Variants in SMIM17 observed in about 807,000 individuals in gnomAD.
SMIM17 encodes small integral membrane protein 17.
A neutral mutation model predicts 12.2 loss-of-function variants in SMIM17; 10 were observed. The ratio of observed to expected loss-of-function variants is 0.82; its 90% CI spans 0.50 to 1.39. The LOEUF (loss-of-function observed/expected upper bound fraction) is 1.39. Among genes scored for constraint, SMIM17 ranks in the 40% most tolerant of loss-of-function variants. The pLI is 0.00. For synonymous variants in SMIM17, 50 were observed against 44.1 expected (o/e 1.13, Z -0.53); for missense variants, 136 against 118.2 (o/e 1.15, Z -0.70).
Position 56,656,064 on chromosome 19 carries a change from C to G in SMIM17, c.*851C>G, listed in dbSNP as rs180920733. Among the ~76,000 whole-genome samples the G allele has an allele frequency of 6.6e-6, 1 of 151,470 alleles. No homozygotes were observed. Among genetic ancestry groups the G allele is most frequent in the African/African-American group, 2.4e-5 (1 of 41,202 alleles). On this transcript the variant is annotated 3_prime_UTR_variant, in exon 4 of 4. Coordinates refer to ENST00000598409, the MANE Select transcript of SMIM17 (RefSeq NM_001193628.2). Reference sequence around the variant, plus strand: ...GGTTCATGCCATTCTCCTGCCTCAGCCTCCCAAGTAGCTGGGACTACAGGC... The same window carrying G: ...GGTTCATGCCATTCTCCTGCCTCAGGCTCCCAAGTAGCTGGGACTACAGGC...
chr19:56,651,577 G>A (rs2045109590), intron 3 of SMIM17, among the ~76,000 whole-genome samples: 1 of 152,130 alleles, frequency 6.6e-6, no homozygotes, highest in Admixed American at 6.5e-5. Flanking sequence ...ATTTTAAAAA[G>A]ATCAATGCCC....
intron 3 of SMIM17, among the ~76,000 whole-genome samples, chr19:56,648,131 TATCCATCC>T (rs35121437): frequency 0.092 from 11,879 of 129,092 alleles, 747 homozygotes; most frequent in African/African-American, 0.18. Context: ...TTTATCCACT[TATCCATCC>T]ATCCATCCAT....
chr19:56,653,002 A>AT (rs1334866158), intron 3 of SMIM17, among the ~76,000 whole-genome samples: 11 of 152,244 alleles, frequency 7.2e-5, no homozygotes, highest in African/African-American at 2.4e-4. Flanking sequence ...GATTACCTGT[A>AT]TTTATTACAT....
chr19:56,645,777 G>A lies in SMIM17; in HGVS notation c.110G>A (p.Cys37Tyr). ...RAWEKPPHPA[C>Y]TKDWEAVEVG... ...TGGGAGAAGCCTCCTCATCCCGCCT[G>A]CACCAAAGACTGGGAGGCTGTGGAG... The change falls in exon 2 of 4, where the codon TGC (cysteine) becomes TAC (tyrosine). Residue 37 changes from cysteine to tyrosine, a missense_variant. Physicochemically the swap from Cys to Tyr is radical, Grantham distance 194. Coordinates refer to ENST00000598409, the MANE Select transcript of SMIM17 (RefSeq NM_001193628.2). 20 of 1,535,990 alleles carry A rather than the reference G, an allele frequency of 1.3e-5. No individual in the cohort carries two copies. The highest frequency in any genetic ancestry group is 1.7e-5 in the Non-Finnish European group (20 of 1,146,866).
intron 3 of SMIM17, among the ~76,000 whole-genome samples, chr19:56,650,972 G>A (rs943929096): frequency 1.3e-5 from 2 of 152,182 alleles, no homozygotes; most frequent in East Asian, 1.9e-4. Context: ...CACACCAGGG[G>A]GCTGATAGGG....
In SMIM17 at chr19:56,655,954, G is replaced by T. The variant is rs199927826; in HGVS notation, c.*741G>T. Among the ~76,000 whole-genome samples, 610 of 133,076 alleles carry T rather than the reference G, an allele frequency of 4.6e-3. 2 individuals are homozygous for T. The highest frequency in any genetic ancestry group is 0.011 in the African/African-American group (389 of 35,816). The allele number at this position is 133,076 out of a possible 152,430, so 87.3% of individuals were successfully genotyped here. ...ATTTTGGCGAATTACAGAGGTTTTT[G>T]TTTTTTTTTTTTTTTGAGACCGAGT... On this transcript the variant is annotated 3_prime_UTR_variant, in exon 4 of 4. Transcript: ENST00000598409.
At chr19:56,647,346 G>C (rs938140789) in intron 2 of SMIM17, among the ~76,000 whole-genome samples, 2 of 151,492 alleles carry the variant, frequency 1.3e-5, no homozygotes, top group African/African-American at 4.9e-5. Flanking sequence ...TCATCACATA[G>C]GCATATGTGT....
chr19:56,645,680 A>G lies in SMIM17; in HGVS notation c.13A>G (p.Arg5Gly), dbSNP rs1475878515. 1.4e-5 allele frequency: 22 copies of G among 1,526,146 alleles called. No individual in the cohort carries two copies. The highest frequency in any genetic ancestry group is 1.7e-5 in the Non-Finnish European group (20 of 1,143,156). The allele number at this position is 1,526,146 out of a possible 1,614,324, so 94.5% of individuals were successfully genotyped here. A position where few individuals can be genotyped will look rare whatever the true frequency, so the allele number is the denominator to read the frequency against. ...TCCTCCTGGGGCAATGCAGAGTCTC[A>G]GGCCTGAGCAGACACGGGGGCTGCT... MQSL[R>G]PEQTRGLLEP... is the part of the protein sequence containing the mutation. Residue 5 changes from arginine to glycine, a missense_variant, in exon 2 of 4, where the codon AGG becomes GGG. Transcript: ENST00000598409.
chr19:56,648,051 TTCCATCCATCCATCCA>T (rs72265006), intron 3 of SMIM17, among the ~76,000 whole-genome samples: 2,508 of 134,122 alleles, frequency 0.019, 39 homozygotes, highest in Admixed American at 0.062. Context: ...TGTATACCCA[TTCCATCCATCCATCCA>T]TCCATCCATC....
rs2045157871 is a variant in SMIM17 at position 56,657,150 on chromosome 19, C to G, written c.*1937C>G. 6.6e-6 allele frequency among the ~76,000 whole-genome samples: 1 copy of G among 152,168 alleles called. No homozygotes were observed. Among genetic ancestry groups the G allele is most frequent in the African/African-American group, 2.4e-5 (1 of 41,432 alleles). On this transcript the variant is annotated 3_prime_UTR_variant, in exon 4 of 4. Coordinates refer to ENST00000598409, the MANE Select transcript of SMIM17 (RefSeq NM_001193628.2). ...TGTAATTCGAGGCATATAAGTGCAG[C>G]ATTGTTATGTCCTTGTTAATTAAAT...
At chr19:56,648,136 AT>A (rs2045080391) in intron 3 of SMIM17, among the ~76,000 whole-genome samples, 1 of 6,872 alleles carries the variant, frequency 1.5e-4, no homozygotes, top group African/African-American at 1.9e-3. Context: ...CCACTTATCC[AT>A]CCATCCATCC....
chr19:56,649,913 C>T (rs1304563050), intron 3 of SMIM17, among the ~76,000 whole-genome samples: 1 of 152,056 alleles, frequency 6.6e-6, no homozygotes, highest in African/African-American at 2.4e-5. Context: ...AGCAGGACTC[C>T]TCTCACTGCT....
chr19:56,646,395 C>T lies in SMIM17; in HGVS notation c.169+559C>T, dbSNP rs550582217. 2.2e-4 allele frequency among the ~76,000 whole-genome samples: 33 copies of T among 152,280 alleles called. No homozygotes were observed. In the South Asian group the frequency reaches 6.0e-3, roughly 28 times the overall value. On this transcript the variant is annotated intron_variant, in intron 2 of 3. Transcript: ENST00000598409. ...TTCAACTGGGCGTGGTCTTATACCC[C>T]ACTTCTCCTCCCCGGACGATTTTTG...
rs577062963 is a variant in SMIM17, at chr19:56,655,954, GTTTT to G, written c.*753_*756del. Among the ~76,000 whole-genome samples the G allele has an allele frequency of 7.5e-6, 1 of 133,144 alleles. No individual in the cohort carries two copies. Among genetic ancestry groups the G allele is most frequent in the South Asian group, 2.4e-4 (1 of 4,182 alleles). The allele number at this position is 133,144 out of a possible 152,430, so 87.3% of individuals were successfully genotyped here. ...ATTTTGGCGAATTACAGAGGTTTTT[GTTTT>G]TTTTTTTTTTTGAGACCGAGTCTCA... On this transcript the variant is annotated 3_prime_UTR_variant, in exon 4 of 4. Transcript: ENST00000598409.
chr19:56,654,806 T>C (rs73617309), intron 3 of SMIM17, among the ~76,000 whole-genome samples: 4,339 of 152,278 alleles, frequency 0.028, 186 homozygotes, highest in African/African-American at 0.099. Flanking sequence ...AGCACACACA[T>C]ATCTCTTGAG....
At chr19:56,645,161 G>A (rs1600615199) in intron 1 of SMIM17, among the ~76,000 whole-genome samples, 2 of 152,084 alleles carry the variant, frequency 1.3e-5, no homozygotes, top group African/African-American at 4.8e-5. Context: ...CTGTGAGTGT[G>A]TATGAGTGTG....
At chr19:56,655,081 CT>C in intron 3 of SMIM17, 21 bp from the exon 4 acceptor site, 1 of 666,796 alleles carries the variant, frequency 1.5e-6, no homozygotes, top group South Asian at 1.6e-5. Flanking sequence ...AATATTTATC[CT>C]TTTCCTTTTT....
rs528865614 is a variant in SMIM17, at chr19:56,647,964, A to G, written c.246+330A>G. Among the ~76,000 whole-genome samples, 177 of 150,952 alleles carry G rather than the reference A, an allele frequency of 1.2e-3. 1 individual carries two copies. The highest frequency in any genetic ancestry group is 2.1e-3 in the South Asian group (10 of 4,770). On this transcript the variant is annotated intron_variant, in intron 3 of 3. Coordinates refer to ENST00000598409, the MANE Select transcript of SMIM17 (RefSeq NM_001193628.2). Reference sequence around the variant, plus strand: ...CAATCACTCATCCATTCATTCATCCACCTCTCAAACATCTACTAGCCATTC... The same window carrying G: ...CAATCACTCATCCATTCATTCATCCGCCTCTCAAACATCTACTAGCCATTC...
At chr19:56,647,230 G>T (rs2045070014) in intron 2 of SMIM17, among the ~76,000 whole-genome samples, 1 of 152,096 alleles carries the variant, frequency 6.6e-6, no homozygotes, top group East Asian at 1.9e-4. Flanking sequence ...GGACAGGTAA[G>T]GGACTGAAGA....
Sources: allele counts gnomAD v4.1 joint callset (sites outside exome capture counted in the v4.1 genomes callset), GRCh38; gene constraint gnomAD v4.1.1; transcripts MANE v1.5; gene names NCBI Gene and HGNC (gene_info 2026-07-23, HGNC 2026-07-21).